Variants in GAPVD1 observed in about 807,000 individuals in gnomAD.
The protein encoded by GAPVD1 is GTPase activating protein and VPS9 domains 1.
GAPVD1 carries 35 observed loss-of-function variants against 155.5 expected under a neutral mutation model. The observed-to-expected ratio is 0.23, with a 90% CI of 0.17 to 0.30. The LOEUF (loss-of-function observed/expected upper bound fraction) is 0.30. Among genes scored for constraint, GAPVD1 ranks in the 10% least tolerant of loss-of-function variants. GAPVD1 has a pLI of 1.00. For missense variants in GAPVD1, 1,429 were observed against 1,775.7 expected (o/e 0.80, Z 3.51); for synonymous variants, 636 against 619.7 (o/e 1.03, Z -0.39).
chr9:125,332,138 A>C, intron 14 of GAPVD1, 78 bp downstream of exon 14: 2 of 1,319,724 alleles, frequency 1.5e-6, no homozygotes, highest in South Asian at 2.6e-5. Flanking sequence ...AAGTTGATAC[A>C]AAAAGATATG....
intron 2 of GAPVD1, among the ~76,000 whole-genome samples, chr9:125,275,747 C>T (rs10986681): frequency 0.013 from 1,971 of 152,192 alleles, 104 homozygotes; most frequent in East Asian, 0.088. Context: ...CAGAGCGAGA[C>T]TCTTTCTCAA....
chr9:125,319,490 C>A (rs1055083954), intron 9 of GAPVD1, among the ~76,000 whole-genome samples: 2 of 151,644 alleles, frequency 1.3e-5, no homozygotes, highest in African/African-American at 4.8e-5. Context: ...CTGCAACCTC[C>A]ACTTCCCAGG....
chr9:125,274,698 G>A (rs1272149768), intron 2 of GAPVD1, among the ~76,000 whole-genome samples: 1 of 152,098 alleles, frequency 6.6e-6, no homozygotes, highest in Non-Finnish European at 1.5e-5. Context: ...CCAACCTAAG[G>A]TAATCCACCC....
intron 2 of GAPVD1, among the ~76,000 whole-genome samples, chr9:125,272,004 G>C (rs1019250248): frequency 6.6e-6 from 1 of 152,080 alleles, no homozygotes; most frequent in Admixed American, 6.6e-5. Flanking sequence ...TTCTGTACCA[G>C]AAAAACTTTG....
chr9:125,362,538 A>T, intron 27 of GAPVD1, 68 bp from the exon 28 acceptor site: 1 of 1,217,776 alleles, frequency 8.2e-7, no homozygotes, highest in Non-Finnish European at 1.1e-6. Flanking sequence ...TTCGAAGAAC[A>T]CTTAAATGAT....
chr9:125,344,543 A>G (rs1216012690), intron 19 of GAPVD1, among the ~76,000 whole-genome samples: 1 of 152,188 alleles, frequency 6.6e-6, no homozygotes, highest in East Asian at 1.9e-4. Flanking sequence ...ATTTTTAAGA[A>G]CAGTGTTAAT....
chr9:125,321,307 C>CTAAAT, intron 9 of GAPVD1, 126 bp from the exon 10 acceptor site: 1 of 634,362 alleles, frequency 1.6e-6, no homozygotes, highest in Non-Finnish European at 2.7e-6. Context: ...GACAGACCTT[C>CTAAAT]TAAATAGGTT....
chr9:125,297,869 C>T (rs1378146129), intron 3 of GAPVD1, among the ~76,000 whole-genome samples: 4 of 152,110 alleles, frequency 2.6e-5, no homozygotes, highest in African/African-American at 7.2e-5. Context: ...CCTCAGCCTC[C>T]CGAGTAGCTA....
chr9:125,270,567 C>T (rs1320099993), intron 2 of GAPVD1, among the ~76,000 whole-genome samples: 1 of 151,930 alleles, frequency 6.6e-6, no homozygotes, highest in Admixed American at 6.6e-5. Context: ...AAGCTGAAAC[C>T]CAGTTTAAAA....
At chr9:125,341,287 C>G (rs778820894) in intron 18 of GAPVD1, 23 bp downstream of exon 18, 1 of 1,177,744 alleles carries the variant, frequency 8.5e-7, no homozygotes. Context: ...AATATTAGAA[C>G]GCTGTATTAG....
intron 19 of GAPVD1, among the ~76,000 whole-genome samples, chr9:125,343,760 T>C (rs754252597): frequency 3.3e-5 from 5 of 152,220 alleles, no homozygotes; most frequent in Non-Finnish European, 7.3e-5. Context: ...GACCTTCCAG[T>C]CTGATTGGGA....
At chr9:125,354,272 T>C (rs1849736719) in intron 23 of GAPVD1, among the ~76,000 whole-genome samples, 1 of 152,212 alleles carries the variant, frequency 6.6e-6, no homozygotes, top group Non-Finnish European at 1.5e-5. Flanking sequence ...TAACCTGTAT[T>C]TGTTGTTATT....
intron 11 of GAPVD1, among the ~76,000 whole-genome samples, chr9:125,325,728 T>A (rs1389804871): frequency 6.6e-6 from 1 of 152,138 alleles, no homozygotes; most frequent in African/African-American, 2.4e-5. Context: ...ACTGGATTTG[T>A]TTATCAGTGT....
rs1464045385 is a variant in GAPVD1, at chr9:125,363,635, T to TA, written c.*890dup. 6.6e-6 allele frequency: 1 copy of TA among 152,620 alleles called. No individual in the cohort carries two copies. Among genetic ancestry groups the TA allele is most frequent in the Non-Finnish European group, 1.5e-5 (1 of 68,032 alleles). The allele number at this position is 152,620 out of a possible 1,614,324, so 9.5% of individuals were successfully genotyped here. ...TGGTGGTTCTTCTCCTCCGAAATAA[T>TA]ATACTGCAGAAATCCCAGACAGAGC... On this transcript the variant is annotated 3_prime_UTR_variant, in exon 28 of 28. Transcript: ENST00000297933.
intron 2 of GAPVD1, among the ~76,000 whole-genome samples, chr9:125,284,715 G>A (rs1356375251): frequency 6.6e-6 from 1 of 152,080 alleles, no homozygotes; most frequent in South Asian, 2.1e-4. Flanking sequence ...TATAGAGTGT[G>A]TTTACACAAA....
At chr9:125,285,897 C>T (rs75943672) in intron 2 of GAPVD1, among the ~76,000 whole-genome samples, 1 of 151,984 alleles carries the variant, frequency 6.6e-6, no homozygotes, top group Non-Finnish European at 1.5e-5. Context: ...CAGCATTGAC[C>T]TCCCTGCTCA....
At chr9:125,298,709 C>T (rs137979879) in intron 3 of GAPVD1, among the ~76,000 whole-genome samples, 181 bp from the exon 4 acceptor site, 42 of 151,746 alleles carry the variant, frequency 2.8e-4, no homozygotes, top group African/African-American at 2.9e-4. Flanking sequence ...AGGGTGGTCT[C>T]GATCTCTTGA....
chr9:125,355,509 A>G, intron 24 of GAPVD1, 135 bp from the exon 25 acceptor site: 1 of 602,830 alleles, frequency 1.7e-6, no homozygotes, highest in Non-Finnish European at 2.9e-6. Flanking sequence ...AAAATAAACT[A>G]CACTGAAACA....
intron 2 of GAPVD1, among the ~76,000 whole-genome samples, chr9:125,275,815 C>T (rs1835688561): frequency 6.6e-6 from 1 of 152,018 alleles, no homozygotes; most frequent in Non-Finnish European, 1.5e-5. Flanking sequence ...GTAATGATTT[C>T]AAGTTATATA....
Sources: gnomAD v4.1 joint callset for allele counts (sites outside exome capture counted in the v4.1 genomes callset) on GRCh38, gnomAD v4.1.1 for gene constraint, MANE v1.5 for transcripts, NCBI Gene and HGNC (gene_info 2026-07-23, HGNC 2026-07-21) for gene names.